NPAS3: variants seen among roughly 807,000 people sequenced by gnomAD.
NPAS3 encodes neuronal PAS domain protein 3, also known as neuronal PAS domain-containing protein 3.
In NPAS3, 14 loss-of-function variants were observed where a neutral mutation model predicts 73.1. The ratio of observed to expected loss-of-function variants is 0.19; its 90% CI spans 0.13 to 0.30. The LOEUF (loss-of-function observed/expected upper bound fraction) is 0.30. Ranked by LOEUF, NPAS3 falls within the 10% of genes least tolerant of loss-of-function variation. The pLI is 1.00. For missense variants in NPAS3, 1,096 were observed against 1,250.0 expected, an observed-to-expected ratio of 0.88 and a Z score of 1.86; for synonymous variants, 620 against 541.5, an observed-to-expected ratio of 1.14 and a Z score of -2.01.
At chr14:33,197,237 C>CTGTGTGTGTGTGTGTGTGTGTGTGTG in intron 2 of NPAS3, among the ~76,000 whole-genome samples, 2 of 135,214 alleles carry the variant, frequency 1.5e-5, no homozygotes, top group African/African-American at 2.7e-5. Flanking sequence ...CTCCAGCAGG[C>CTGTGTGTGTGTGTGTGTGTGTGTGTG]TGTGTGTGTG....
At chr14:33,465,132 C>A (rs1292923817) in intron 4 of NPAS3, among the ~76,000 whole-genome samples, 1 of 151,982 alleles carries the variant, frequency 6.6e-6, no homozygotes, top group African/African-American at 2.4e-5. Context: ...TTGTAGTATC[C>A]ATTTACAATT....
chr14:33,737,094 G>T (rs2061541643), intron 7 of NPAS3, among the ~76,000 whole-genome samples: 1 of 152,196 alleles, frequency 6.6e-6, no homozygotes, highest in African/African-American at 2.4e-5. Context: ...AAGGTGCAGA[G>T]CCAGGGTTTG....
intron 5 of NPAS3, among the ~76,000 whole-genome samples, chr14:33,649,522 C>A (rs2058930253): frequency 6.6e-6 from 1 of 152,192 alleles, no homozygotes; most frequent in African/African-American, 2.4e-5. Flanking sequence ...TATTGTAGAA[C>A]TCGGCTATTA....
At chr14:33,474,371 A>G (rs1433430401) in intron 4 of NPAS3, among the ~76,000 whole-genome samples, 3 of 152,218 alleles carry the variant, frequency 2.0e-5, no homozygotes, top group African/African-American at 7.2e-5. Context: ...AGATAACTAC[A>G]GTATGTTTAG....
At chr14:33,237,192 CTT>C (rs1344177697) in intron 3 of NPAS3, among the ~76,000 whole-genome samples, 1 of 152,088 alleles carries the variant, frequency 6.6e-6, no homozygotes, top group African/African-American at 2.4e-5. Context: ...TTACTTAACA[CTT>C]TAAAGACTTG....
At chr14:33,143,846 A>G (rs1435291623) in intron 2 of NPAS3, among the ~76,000 whole-genome samples, 2 of 152,148 alleles carry the variant, frequency 1.3e-5, no homozygotes, top group South Asian at 2.1e-4. Flanking sequence ...GGTTTCTTTC[A>G]CTGAGCCTAA....
At chr14:32,967,225 G>A (rs1359485490) in intron 1 of NPAS3, among the ~76,000 whole-genome samples, 3 of 151,998 alleles carry the variant, frequency 2.0e-5, no homozygotes, top group Non-Finnish European at 4.4e-5. Flanking sequence ...TTAATGAATA[G>A]TAAATATATT....
chr14:33,009,975 C>T (rs2039133208), intron 1 of NPAS3, among the ~76,000 whole-genome samples: 1 of 152,120 alleles, frequency 6.6e-6, no homozygotes. Context: ...TGCATTCGTT[C>T]CACGATTCAG....
At chr14:33,166,480 G>T (rs1344520464) in intron 2 of NPAS3, among the ~76,000 whole-genome samples, 1 of 152,130 alleles carries the variant, frequency 6.6e-6, no homozygotes, top group African/African-American at 2.4e-5. Context: ...CCCTCAGTAA[G>T]AGGTAGACTC....
At chr14:33,147,672 A>C (rs556674828) in intron 2 of NPAS3, among the ~76,000 whole-genome samples, 6 of 150,264 alleles carry the variant, frequency 4.0e-5, no homozygotes, top group African/African-American at 2.5e-5. Context: ...ACATGTATAC[A>C]TATGTAACAA....
chr14:32,954,155 T>C (rs1229056473), intron 1 of NPAS3, among the ~76,000 whole-genome samples: 1 of 152,124 alleles, frequency 6.6e-6, no homozygotes, highest in Non-Finnish European at 1.5e-5. Flanking sequence ...TATGTAATCT[T>C]CCCCAAATTT....
intron 3 of NPAS3, among the ~76,000 whole-genome samples, chr14:33,264,874 G>T (rs980592648): frequency 3.3e-5 from 5 of 152,124 alleles, no homozygotes; most frequent in Non-Finnish European, 7.3e-5. Flanking sequence ...GGGACCTAAG[G>T]CCTCCAACTG....
chr14:33,763,342 G>T (rs2062357409), intron 7 of NPAS3, among the ~76,000 whole-genome samples: 1 of 152,252 alleles, frequency 6.6e-6, no homozygotes, highest in South Asian at 2.1e-4. Context: ...ATAGAGTTCA[G>T]AGGGTAGCTT....
chr14:33,389,174 A>G (rs2046897110), intron 4 of NPAS3, among the ~76,000 whole-genome samples: 1 of 152,216 alleles, frequency 6.6e-6, no homozygotes, highest in Non-Finnish European at 1.5e-5. Context: ...TAGTACTTCA[A>G]AACAAGTAAA....
intron 10 of NPAS3, among the ~76,000 whole-genome samples, chr14:33,795,000 C>A (rs914863402): frequency 2.6e-5 from 4 of 152,156 alleles, no homozygotes; most frequent in Non-Finnish European, 5.9e-5. Context: ...GAAGTTGGTG[C>A]CCTTTGGCTG....
intron 3 of NPAS3, among the ~76,000 whole-genome samples, chr14:33,259,092 C>CTCA (rs2139943259): frequency 6.6e-6 from 1 of 152,304 alleles, no homozygotes; most frequent in Admixed American, 6.5e-5. Flanking sequence ...GGATTACAGG[C>CTCA]GTGAGCCACT....
intron 3 of NPAS3, among the ~76,000 whole-genome samples, chr14:33,361,064 T>C (rs532889675): frequency 1.7e-3 from 252 of 152,316 alleles, no homozygotes; most frequent in Non-Finnish European, 2.5e-3. Context: ...ACATACAGTA[T>C]TCTTATAGTA....
chr14:33,687,088 A>G (rs908807345), intron 6 of NPAS3, among the ~76,000 whole-genome samples: 4 of 152,178 alleles, frequency 2.6e-5, no homozygotes, highest in African/African-American at 9.7e-5. Context: ...TTAAGATAAC[A>G]TTTAGAAAAA....
At chr14:33,220,406 C>T (rs2047380637) in intron 3 of NPAS3, among the ~76,000 whole-genome samples, 2 of 152,088 alleles carry the variant, frequency 1.3e-5, no homozygotes, top group Admixed American at 1.3e-4. Flanking sequence ...GATGTATTTG[C>T]CTTTACTTAG....
Sources: gnomAD v4.1 joint callset for allele counts (sites outside exome capture counted in the v4.1 genomes callset) on GRCh38, gnomAD v4.1.1 for gene constraint, MANE v1.5 for transcripts, NCBI Gene and HGNC (gene_info 2026-07-23, HGNC 2026-07-21) for gene names.